The following CPA6 variants were observed in gnomAD, a reference collection of about 807,000 sequenced individuals.
CPA6 encodes the protein carboxypeptidase A6.
In CPA6, 58 loss-of-function variants were observed where a neutral mutation model predicts 63.3. That is an observed-to-expected ratio of 0.92 (90% CI 0.74 to 1.14). The LOEUF is 1.14. Among genes scored for constraint, CPA6 ranks in the 50% most tolerant of loss-of-function variants. The probability of loss-of-function intolerance (pLI) is 0.00; values close to 1 mark genes in which losing one functional copy is unlikely to be tolerated. For missense variants in CPA6, 565 were observed against 526.6 expected (o/e 1.07, Z -0.71); for synonymous variants, 185 against 179.0 (o/e 1.03, Z -0.27).
Position 67,746,188 on chromosome 8 carries a change from C to A in CPA6, c.-59G>T. The A allele has an allele frequency of 7.7e-7, 1 of 1,306,280 alleles. No individual in the cohort carries two copies. Among genetic ancestry groups the A allele is most frequent in the Non-Finnish European group, 1.1e-6 (1 of 919,022 alleles). 80.9% of individuals were successfully genotyped at this position (1,306,280 alleles called of 1,614,324 possible). ...AGCAGCCACCCGAGGCTGGAGGTGGCTCACAGCACCCTCTACACACCGCAC... is the reference window on the plus strand; with the variant it reads ...AGCAGCCACCCGAGGCTGGAGGTGGATCACAGCACCCTCTACACACCGCAC... On this transcript the variant is annotated 5_prime_UTR_variant, in exon 1 of 11. Transcript: ENST00000297770.
intron 6 of CPA6, among the ~76,000 whole-genome samples, chr8:67,491,930 T>G (rs4386963): frequency 5.3e-5 from 8 of 152,218 alleles, no homozygotes; most frequent in African/African-American, 1.9e-4. Context: ...GTTACTACTG[T>G]GCATCTCATA....
intron 1 of CPA6, among the ~76,000 whole-genome samples, chr8:67,643,393 T>A (rs553422781): frequency 6.6e-6 from 1 of 152,222 alleles, no homozygotes; most frequent in Non-Finnish European, 1.5e-5. Context: ...TGAAAATAGA[T>A]GAACCACAGA....
At chr8:67,676,884 C>T (rs1816485454) in intron 1 of CPA6, among the ~76,000 whole-genome samples, 1 of 152,196 alleles carries the variant, frequency 6.6e-6, no homozygotes, top group African/African-American at 2.4e-5. Flanking sequence ...GCAATTTTGA[C>T]ATTCCAATTC....
In CPA6 at chr8:67,517,938, G is replaced by A. The variant is rs1812179314; in HGVS notation, c.302C>T (p.Ala101Val). 1.2e-6 allele frequency: 2 copies of A among 1,610,474 alleles called. No individual in the cohort carries two copies. Among genetic ancestry groups the A allele is most frequent in the Non-Finnish European group, 1.7e-6 (2 of 1,178,866 alleles). Reference sequence around the variant, plus strand: ...GAATGCTTACTTGTACTGGATGTTGGCTTCCTGTAAGAAGGCTAACAGGGC... The same window carrying A: ...GAATGCTTACTTGTACTGGATGTTGACTTCCTGTAAGAAGGCTAACAGGGC... ...SRALLAFLQEANIQYKVLIED... is the reference protein window; with the variant it reads ...SRALLAFLQEVNIQYKVLIED... Residue 101 changes from alanine (A) to valine (V), a missense_variant, in exon 3 of 11, where the codon GCC becomes GTC. Ala to Val is a moderately conservative substitution (Grantham distance 64, BLOSUM62 0). Transcript: ENST00000297770.
Position 67,499,806 on chromosome 8 carries a change from G to A in CPA6, c.636+6981C>T, listed in dbSNP as rs555493412. Among the ~76,000 whole-genome samples, 4 of 152,264 alleles carry A rather than the reference G, an allele frequency of 2.6e-5. No homozygotes were observed. The South Asian group carries it at 8.3e-4, about 32-fold the overall frequency. ...CATAATTCTCTGGAGATTCATCCAG[G>A]TTGCTGCATTTATCAATAATCTGTT... On this transcript the variant is annotated intron_variant, in intron 6 of 10. Coordinates refer to ENST00000297770, the MANE Select transcript of CPA6 (RefSeq NM_020361.5).
chr8:67,425,393 G>T (rs903014600), intron 10 of CPA6, among the ~76,000 whole-genome samples: 1 of 152,004 alleles, frequency 6.6e-6, no homozygotes, highest in African/African-American at 2.4e-5. Context: ...ATTTTTTCTT[G>T]AGATGGAGTC....
At chr8:67,674,532 C>T (rs1377486096) in intron 1 of CPA6, among the ~76,000 whole-genome samples, 18 of 152,034 alleles carry the variant, frequency 1.2e-4, no homozygotes, top group African/African-American at 4.8e-5. Flanking sequence ...CAGATGCTGG[C>T]GAGGCTGTAG....
At chr8:67,469,327 T>C (rs1811003670) in intron 8 of CPA6, among the ~76,000 whole-genome samples, 1 of 152,128 alleles carries the variant, frequency 6.6e-6, no homozygotes, top group South Asian at 2.1e-4. Context: ...AAAAAGAGGC[T>C]GGGCATGGTT....
chr8:67,441,707 T>C (rs1810297889), intron 8 of CPA6, among the ~76,000 whole-genome samples: 1 of 152,116 alleles, frequency 6.6e-6, no homozygotes, highest in African/African-American at 2.4e-5. Flanking sequence ...GTACATAATA[T>C]GGAGAAACCA....
chr8:67,684,061 T>A (rs918140201), intron 1 of CPA6, among the ~76,000 whole-genome samples: 3 of 147,478 alleles, frequency 2.0e-5, no homozygotes, highest in Non-Finnish European at 4.5e-5. Context: ...ATTTATTTTT[T>A]TTTTTTGTAG....
At chr8:67,735,942 G>C (rs1178154774) in intron 1 of CPA6, among the ~76,000 whole-genome samples, 3 of 152,102 alleles carry the variant, frequency 2.0e-5, no homozygotes, top group African/African-American at 7.2e-5. Flanking sequence ...ACATTCTTCA[G>C]AAATGATTCT....
chr8:67,738,084 T>A (rs779262381), intron 1 of CPA6, among the ~76,000 whole-genome samples: 54 of 152,020 alleles, frequency 3.6e-4, no homozygotes, highest in Non-Finnish European at 6.2e-4. Flanking sequence ...CATTTGGAGA[T>A]ATTGTTATTT....
At chr8:67,687,975 A>C (rs1032430317) in intron 1 of CPA6, among the ~76,000 whole-genome samples, 1 of 152,196 alleles carries the variant, frequency 6.6e-6, no homozygotes, top group Non-Finnish European at 1.5e-5. Flanking sequence ...AAAAATGATC[A>C]CTTGAGCCTG....
rs542299449 is a variant in CPA6 at position 67,671,001 on chromosome 8, C to G, written c.117-46750G>C. Among the ~76,000 whole-genome samples, 3 of 152,288 alleles carry G rather than the reference C, an allele frequency of 2.0e-5. No individual in the cohort carries two copies. In the East Asian group the frequency reaches 5.8e-4, roughly 29 times the overall value. ...CTCACATATGTTCTACCATCTTTGT[C>G]CTCTGGACAATTCAAGATGATAGAT... is the stretch of plus-strand genomic sequence containing the variant. On this transcript the variant is annotated intron_variant, in intron 1 of 10. Transcript: ENST00000297770.
chr8:67,631,007 C>T (rs931673820), intron 1 of CPA6, among the ~76,000 whole-genome samples: 3 of 152,228 alleles, frequency 2.0e-5, no homozygotes, highest in African/African-American at 7.2e-5. Flanking sequence ...GAGCCCCGCT[C>T]CCCTACTCCT....
At chr8:67,648,518 C>G (rs1229781064) in intron 1 of CPA6, among the ~76,000 whole-genome samples, 2 of 152,096 alleles carry the variant, frequency 1.3e-5, no homozygotes, top group Admixed American at 6.6e-5. Flanking sequence ...CATTGCAAAG[C>G]AGCTTGGGTT....
chr8:67,639,693 C>T lies in CPA6; in HGVS notation c.117-15442G>A, dbSNP rs558533673. ...GCAGCTCTTCTCTCCTTTCTTGTCACCCACAACGTGGTGAGCAAGGGGTGT... is the reference window on the plus strand; with the variant it reads ...GCAGCTCTTCTCTCCTTTCTTGTCATCCACAACGTGGTGAGCAAGGGGTGT... On this transcript the variant is annotated intron_variant, in intron 1 of 10. Transcript: ENST00000297770. 2.6e-5 allele frequency among the ~76,000 whole-genome samples: 4 copies of T among 151,678 alleles called. No individual in the cohort carries two copies. The South Asian group carries it at 8.3e-4, about 31-fold the overall frequency.
chr8:67,557,662 A>G (rs1197884644), intron 2 of CPA6, among the ~76,000 whole-genome samples: 1 of 152,210 alleles, frequency 6.6e-6, no homozygotes, highest in Non-Finnish European at 1.5e-5. Context: ...CACCAGTATC[A>G]GCCAGTGCCC....
At chr8:67,435,851 A>G (rs376156571) in intron 8 of CPA6, among the ~76,000 whole-genome samples, 18,546 of 149,386 alleles carry the variant, frequency 0.12, 3,280 homozygotes, top group African/African-American at 0.4. Flanking sequence ...TTGGAGAGTC[A>G]CTGGGGGCAC....
Sources: allele counts gnomAD v4.1 joint callset (sites outside exome capture counted in the v4.1 genomes callset), GRCh38; gene constraint gnomAD v4.1.1; transcripts MANE v1.5; gene names NCBI Gene and HGNC (gene_info 2026-07-23, HGNC 2026-07-21).